The following ADAM22 variants were observed in gnomAD, a reference collection of about 807,000 sequenced individuals.
ADAM22 encodes ADAM metallopeptidase domain 22.
A neutral mutation model predicts 144.6 loss-of-function variants in ADAM22; 65 were observed. The ratio of observed to expected loss-of-function variants is 0.45; its 90% CI spans 0.37 to 0.55. The LOEUF (loss-of-function observed/expected upper bound fraction) is 0.55. Ranked by LOEUF, ADAM22 falls within the 20% of genes least tolerant of loss-of-function variation. The pLI is 0.00. For missense variants in ADAM22, 974 were observed against 1,184.9 expected (o/e 0.82, Z 2.61); for synonymous variants, 391 against 412.6 (o/e 0.95, Z 0.63).
At chr7:88,188,659 C>T (rs530775886) in intron 30 of ADAM22, among the ~76,000 whole-genome samples, 2 of 152,288 alleles carry the variant, frequency 1.3e-5, no homozygotes, top group South Asian at 2.1e-4. Flanking sequence ...TGGCCCAGAA[C>T]GTTTAACACA....
At chr7:87,951,081 C>G (rs1013652060) in intron 2 of ADAM22, among the ~76,000 whole-genome samples, 5 of 152,018 alleles carry the variant, frequency 3.3e-5, no homozygotes, top group African/African-American at 1.2e-4. Flanking sequence ...TTCTCCCATT[C>G]TGTAGGTTGC....
intron 2 of ADAM22, among the ~76,000 whole-genome samples, chr7:87,954,779 C>G (rs1846213001): frequency 1.3e-5 from 2 of 152,338 alleles, no homozygotes; most frequent in Admixed American, 1.3e-4. Flanking sequence ...TTCAGGTACA[C>G]CAATCAGACG....
At chr7:88,196,422 C>A in intron 31 of ADAM22, 49 bp from the exon 32 acceptor site, 1 of 1,608,058 alleles carries the variant, frequency 6.2e-7, no homozygotes. Context: ...CAGAATACAT[C>A]TGCTTCCTGC....
At chr7:87,954,013 T>G (rs1845969181) in intron 2 of ADAM22, among the ~76,000 whole-genome samples, 1 of 152,122 alleles carries the variant, frequency 6.6e-6, no homozygotes, top group African/African-American at 2.4e-5. Context: ...TCCTCCATCC[T>G]TTTATTTTGA....
At chr7:88,093,577 C>T (rs1421037502) in intron 4 of ADAM22, among the ~76,000 whole-genome samples, 1 of 151,984 alleles carries the variant, frequency 6.6e-6, no homozygotes, top group Non-Finnish European at 1.5e-5. Flanking sequence ...GACAGGGTCT[C>T]ACTCTATCTC....
At chr7:88,084,252 A>T (rs570202139) in intron 4 of ADAM22, among the ~76,000 whole-genome samples, 1 of 152,288 alleles carries the variant, frequency 6.6e-6, no homozygotes, top group East Asian at 1.9e-4. Flanking sequence ...TACGTAACTC[A>T]TGAAGCGCTG....
intron 3 of ADAM22, among the ~76,000 whole-genome samples, chr7:88,008,510 A>T (rs1794543191): frequency 1.3e-5 from 2 of 152,208 alleles, no homozygotes; most frequent in Admixed American, 1.3e-4. Context: ...CAAATGTCCA[A>T]CAATGATAGA....
chr7:88,155,942 G>A lies in ADAM22; in HGVS notation c.1843G>A (p.Gly615Arg). The change falls in exon 22 of 32, where the codon GGA becomes AGA. Residue 615 changes from glycine (G) to arginine (R), a missense_variant. This residue lies in a region of ADAM22 where 734 missense variants were observed against 950.6 expected (regional missense o/e 0.77). Coordinates refer to ENST00000413139, the MANE Select transcript of ADAM22 (RefSeq NM_001324418.2). ...CAATATTGGCAATATCCCAAGGCTT[G>A]GAGAACTCGATGGTGAAATCACATC... ...CTNIGNIPRL[G>R]ELDGEITSTL... 6.2e-7 allele frequency: 1 copy of A among 1,613,360 alleles called. No homozygotes were observed. The highest frequency in any genetic ancestry group is 8.5e-7 in the Non-Finnish European group (1 of 1,179,568).
At chr7:88,067,067 CT>C (rs1202839199) in intron 3 of ADAM22, among the ~76,000 whole-genome samples, 1 of 151,986 alleles carries the variant, frequency 6.6e-6, no homozygotes, top group Non-Finnish European at 1.5e-5. Context: ...CATAAGAAGT[CT>C]AAGTAAATTT....
In ADAM22 at chr7:87,982,668, TAC is replaced by T. The variant is rs1355690634; in HGVS notation, c.323+4258_323+4259del. 9.2e-3 allele frequency among the ~76,000 whole-genome samples: 438 copies of T among 47,362 alleles called. 21 individuals carry two copies. Among genetic ancestry groups the T allele is most frequent in the African/African-American group, 0.042 (415 of 9,982 alleles). The allele number at this position is 47,362 out of a possible 152,430, so 31.1% of individuals were successfully genotyped here. On this transcript the variant is annotated intron_variant, in intron 3 of 31. Coordinates refer to ENST00000413139, the MANE Select transcript of ADAM22 (RefSeq NM_001324418.2). ...ACATTTATTCATCAGATTCAGTTAT[TAC>T]ATATATATATATATATATATATATA...
intron 14 of ADAM22, among the ~76,000 whole-genome samples, chr7:88,142,335 T>C (rs1212897533): frequency 6.6e-6 from 1 of 152,212 alleles, no homozygotes; most frequent in African/African-American, 2.4e-5. Flanking sequence ...CAGCTCCTCT[T>C]TCTTTGACTT....
chr7:87,943,362 C>G (rs1562807164), intron 2 of ADAM22, among the ~76,000 whole-genome samples: 1 of 151,640 alleles, frequency 6.6e-6, no homozygotes, highest in Non-Finnish European at 1.5e-5. Flanking sequence ...TGTTAGACAT[C>G]AACATAAAAT....
chr7:88,110,408 A>G (rs1268369629), intron 5 of ADAM22, among the ~76,000 whole-genome samples: 1 of 151,984 alleles, frequency 6.6e-6, no homozygotes, highest in African/African-American at 2.4e-5. Context: ...CATCTTTCTC[A>G]GTACTCGTTC....
Position 88,030,470 on chromosome 7 carries a change from C to T in ADAM22, c.324-45156C>T, listed in dbSNP as rs10250221. ...CACATATCTCTCTCTGGGATAAGTCCCTCGTGCCTTATTTTATTATTTGGT... is the reference window on the plus strand; with the variant it reads ...CACATATCTCTCTCTGGGATAAGTCTCTCGTGCCTTATTTTATTATTTGGT... On this transcript the variant is annotated intron_variant, in intron 3 of 31. Transcript: ENST00000413139. Among the ~76,000 whole-genome samples, 1,283 of 152,010 alleles carry T rather than the reference C, an allele frequency of 8.4e-3. 20 individuals carry two copies. The highest frequency in any genetic ancestry group is 0.03 in the African/African-American group (1,233 of 41,448).
intron 2 of ADAM22, chr7:87,964,627 T>G (rs1848651864): frequency 2.3e-6 from 1 of 426,372 alleles, no homozygotes; most frequent in Non-Finnish European, 4.6e-6. Context: ...ATTTAATTTT[T>G]TTTTAGATTC....
chr7:88,172,855 G>A (rs950334824), intron 26 of ADAM22, among the ~76,000 whole-genome samples: 13 of 151,916 alleles, frequency 8.6e-5, no homozygotes, highest in African/African-American at 1.9e-4. Context: ...AGGAGCCGCC[G>A]TTTAGACTTT....
At chr7:88,143,397 A>C (rs1169560856) in intron 15 of ADAM22, among the ~76,000 whole-genome samples, 2 of 152,170 alleles carry the variant, frequency 1.3e-5, no homozygotes, top group Non-Finnish European at 2.9e-5. Flanking sequence ...GATGATTCAG[A>C]GTTAGTTTAC....
chr7:87,953,223 A>G (rs933199846), intron 2 of ADAM22, among the ~76,000 whole-genome samples: 2 of 151,284 alleles, frequency 1.3e-5, no homozygotes, highest in African/African-American at 4.9e-5. Flanking sequence ...AGTTCTTTTA[A>G]TTGTGATGTT....
rs185565106 is a variant in ADAM22, at chr7:87,972,704, C to T, written c.247-5632C>T. ...CACTATACCTACAAAGCTACAGTAA[C>T]CAAAACAGCATGGTACTGGTACCAA... On this transcript the variant is annotated intron_variant, in intron 2 of 31. Coordinates refer to ENST00000413139, the MANE Select transcript of ADAM22 (RefSeq NM_001324418.2). Among the ~76,000 whole-genome samples the T allele has an allele frequency of 7.3e-3, 1,106 of 152,256 alleles. 3 individuals carry two copies. Among genetic ancestry groups the T allele is most frequent in the Admixed American group, 0.019 (297 of 15,294 alleles).
Sources: allele counts gnomAD v4.1 joint callset (sites outside exome capture counted in the v4.1 genomes callset), GRCh38; gene constraint gnomAD v4.1.1; regional missense constraint gnomAD v4.1.1; transcripts MANE v1.5; gene names NCBI Gene and HGNC (gene_info 2026-07-23, HGNC 2026-07-21).